OR2L13: variants seen among roughly 807,000 people sequenced by gnomAD.
OR2L13 encodes olfactory receptor family 2 subfamily L member 13.
Under a neutral mutation model 15.3 loss-of-function variants are expected in OR2L13, and 14 were observed. The observed-to-expected ratio is 0.91, with a 90% CI of 0.60 to 1.43. The LOEUF is 1.43. Among genes scored for constraint, OR2L13 ranks in the 40% most tolerant of loss-of-function variants. The pLI is 0.00. For missense variants in OR2L13, 367 were observed against 387.9 expected (o/e 0.95, Z 0.45); for synonymous variants, 152 against 142.9 (o/e 1.06, Z -0.45).
chr1:248,085,254 T>C, the OR2L13 span, among the ~76,000 whole-genome samples: 7 of 151,692 alleles, frequency 4.6e-5, no homozygotes, highest in African/African-American at 1.7e-4. Context: ...ATTTTATTAA[T>C]GCAGAACTCA....
chr1:247,953,751 T>G, the OR2L13 span, among the ~76,000 whole-genome samples: 1 of 152,248 alleles, frequency 6.6e-6, no homozygotes, highest in South Asian at 2.1e-4. Flanking sequence ...CTAATACTCT[T>G]TCGGTACCCT....
At chr1:247,965,897 T>G in the OR2L13 span, 1 of 1,613,228 alleles carries the variant, frequency 6.2e-7, no homozygotes, top group Admixed American at 1.7e-5. Flanking sequence ...TCTCGGCTCA[T>G]TAACCACTTT....
the OR2L13 span, among the ~76,000 whole-genome samples, chr1:247,948,141 A>T: frequency 6.6e-6 from 1 of 152,138 alleles, no homozygotes; most frequent in Non-Finnish European, 1.5e-5. Context: ...TGAGCCCAGA[A>T]GTTCAAGGCT....
At chr1:247,979,464 G>A in the OR2L13 span, among the ~76,000 whole-genome samples, 26 of 152,124 alleles carry the variant, frequency 1.7e-4, no homozygotes, top group Middle Eastern at 3.4e-3. Context: ...TTCCAGCTTC[G>A]TCCATGTCCC....
the OR2L13 span, among the ~76,000 whole-genome samples, chr1:247,945,145 G>A: frequency 6.6e-6 from 1 of 152,134 alleles, no homozygotes; most frequent in South Asian, 2.1e-4. Flanking sequence ...TGGGCATTTA[G>A]TGCCATAAGT....
At chr1:248,050,931 T>C in the OR2L13 span, among the ~76,000 whole-genome samples, 1 of 152,182 alleles carries the variant, frequency 6.6e-6, no homozygotes, top group Non-Finnish European at 1.5e-5. Context: ...CCTGCCAAGA[T>C]GTTTAAAAAA....
At chr1:247,941,231 CA>C in the OR2L13 span, among the ~76,000 whole-genome samples, 1 of 152,092 alleles carries the variant, frequency 6.6e-6, no homozygotes, top group African/African-American at 2.4e-5. Context: ...TCTTTTGCTG[CA>C]CAGAAGTTCT....
chr1:248,011,178 C>T, the OR2L13 span, among the ~76,000 whole-genome samples: 5 of 152,076 alleles, frequency 3.3e-5, no homozygotes, highest in African/African-American at 1.2e-4. Flanking sequence ...ATTTGCTTGT[C>T]TGTAAAGGAT....
the OR2L13 span, among the ~76,000 whole-genome samples, chr1:247,998,360 T>C: frequency 0.075 from 11,337 of 152,112 alleles, 499 homozygotes; most frequent in East Asian, 0.16. Flanking sequence ...TTTTATAGGA[T>C]CCAGTGAAAT....
At chr1:248,004,252 T>C in the OR2L13 span, among the ~76,000 whole-genome samples, 1 of 152,254 alleles carries the variant, frequency 6.6e-6, no homozygotes, top group Admixed American at 6.5e-5. Flanking sequence ...ACAACCTTTT[T>C]CTTCATGGCA....
chr1:248,090,211 A>G (rs1053196745), upstream of OR2L13, among the ~76,000 whole-genome samples: 47 of 152,176 alleles, frequency 3.1e-4, 1 homozygote, highest in African/African-American at 1.1e-3. Context: ...GTTTGGTAAC[A>G]TCTCTGTGGA....
At chr1:248,097,817 C>G (rs975327423) in intron 1 of OR2L13, among the ~76,000 whole-genome samples, 3 of 152,162 alleles carry the variant, frequency 2.0e-5, no homozygotes, top group Non-Finnish European at 2.9e-5. Context: ...AAAGGCTTTT[C>G]CAATTTCCAG....
At chr1:247,961,011 T>C in the OR2L13 span, among the ~76,000 whole-genome samples, 121,439 of 152,074 alleles carry the variant, frequency 0.8, 52,680 homozygotes, top group South Asian at 0.95. Context: ...ATGCAGAAAT[T>C]ACCCGTCTTC....
At chr1:247,970,283 A>G in the OR2L13 span, among the ~76,000 whole-genome samples, 2 of 152,168 alleles carry the variant, frequency 1.3e-5, no homozygotes, top group Admixed American at 1.3e-4. Context: ...TAACATGTAT[A>G]CGTATGTAAC....
At chr1:248,001,539 T>A in the OR2L13 span, among the ~76,000 whole-genome samples, 1 of 150,978 alleles carries the variant, frequency 6.6e-6, no homozygotes, top group Non-Finnish European at 1.5e-5. Context: ...AATAAAAAAA[T>A]AAAATATAGC....
the OR2L13 span, among the ~76,000 whole-genome samples, chr1:248,020,134 GT>G: frequency 6.6e-6 from 1 of 151,998 alleles, no homozygotes; most frequent in African/African-American, 2.4e-5. Flanking sequence ...ATGCCATACT[GT>G]TTTGATTACC....
chr1:248,047,985 A>G, the OR2L13 span, among the ~76,000 whole-genome samples: 1 of 152,250 alleles, frequency 6.6e-6, no homozygotes, highest in East Asian at 1.9e-4. Context: ...TTACATTTTT[A>G]GTAATTGTAA....
chr1:247,960,861 G>T, the OR2L13 span, among the ~76,000 whole-genome samples: 3 of 152,144 alleles, frequency 2.0e-5, no homozygotes, highest in Non-Finnish European at 4.4e-5. Flanking sequence ...ACTAGGAAAG[G>T]GATTTCCCTG....
the OR2L13 span, among the ~76,000 whole-genome samples, chr1:248,028,679 C>T: frequency 6.6e-6 from 1 of 152,158 alleles, no homozygotes; most frequent in Non-Finnish European, 1.5e-5. Context: ...TCAATTTCTA[C>T]GTCCAGGAAA....
Sources: allele counts gnomAD v4.1 joint callset (sites outside exome capture counted in the v4.1 genomes callset), GRCh38; gene constraint gnomAD v4.1.1; transcripts MANE v1.5; gene names NCBI Gene and HGNC (gene_info 2026-07-23, HGNC 2026-07-21).